RFX8: variants seen among roughly 807,000 people sequenced by gnomAD.
RFX8 encodes DNA-binding protein RFX8.
In RFX8, 46 loss-of-function variants were observed where a neutral mutation model predicts 54.6. The observed-to-expected ratio is 0.84, with a 90% CI of 0.67 to 1.08. The LOEUF is 1.08. Among genes scored for constraint, RFX8 ranks in the 50% least tolerant of loss-of-function variants. The pLI is 0.00. For missense variants in RFX8, 536 were observed against 562.3 expected (o/e 0.95, Z 0.47); for synonymous variants, 192 against 209.5 (o/e 0.92, Z 0.72).
At chr2:101,464,056 C>A (rs1174111362) in intron 2 of RFX8, among the ~76,000 whole-genome samples, 1 of 152,186 alleles carries the variant, frequency 6.6e-6, no homozygotes, top group African/African-American at 2.4e-5. Context: ...GAAGAACCAG[C>A]CACTGGACAC....
At chr2:101,407,696 A>T (rs116008574) in intron 9 of RFX8, among the ~76,000 whole-genome samples, 4,199 of 142,960 alleles carry the variant, frequency 0.029, 83 homozygotes, top group South Asian at 0.046. Flanking sequence ...CATCTCAATT[A>T]AAAAAAAAAA....
chr2:101,402,616 C>T lies in RFX8; in HGVS notation c.1065G>A (p.Gln355=), dbSNP rs1357252112. 3 of 1,552,316 alleles carry T rather than the reference C, an allele frequency of 1.9e-6. No individual in the cohort carries two copies. The highest frequency in any genetic ancestry group is 1.7e-6 in the Non-Finnish European group (2 of 1,147,172). The change falls in exon 11 of 12, where the codon CAG becomes CAA. Residue 355 remains glutamine (Q), a synonymous_variant. Transcript: ENST00000428343. ...GAGAATGGAAAAGTGCCTGGTCTGG[C>T]TGGCCGAGAGTCGGGTCATCTGGTA... The part of the protein sequence containing the change: ...EMLPDDPTLG[Q]PDQALFHSLN...
At chr2:101,471,502 G>A (rs1236880608) in intron 1 of RFX8, among the ~76,000 whole-genome samples, 1 of 152,180 alleles carries the variant, frequency 6.6e-6, no homozygotes, top group East Asian at 1.9e-4. Flanking sequence ...ATTTGTAAAA[G>A]TCTATGTGGG....
chr2:101,403,978 A>C (rs902385142), intron 10 of RFX8, among the ~76,000 whole-genome samples: 1 of 152,240 alleles, frequency 6.6e-6, no homozygotes, highest in Non-Finnish European at 1.5e-5. Context: ...ATCTGTCCTC[A>C]GGGTAGTATC....
intron 2 of RFX8, among the ~76,000 whole-genome samples, chr2:101,449,040 A>G (rs1376961276): frequency 3.9e-5 from 6 of 152,314 alleles, no homozygotes; most frequent in African/African-American, 1.4e-4. Context: ...TATGGATGGT[A>G]TTCAGGAAGG....
chr2:101,474,129 G>A, intron 1 of RFX8: 2 of 555,578 alleles, frequency 3.6e-6, no homozygotes, highest in South Asian at 2.2e-5. Flanking sequence ...GAGGGCAGCC[G>A]TAGCGGGAAC....
chr2:101,403,158 C>A (rs913164995), intron 10 of RFX8, among the ~76,000 whole-genome samples: 5 of 152,166 alleles, frequency 3.3e-5, no homozygotes, highest in African/African-American at 1.2e-4. Context: ...GCAGAGGGAA[C>A]CCTGCTGCTG....
At chr2:101,412,206 C>T (rs1427842504) in intron 8 of RFX8, among the ~76,000 whole-genome samples, 1 of 152,144 alleles carries the variant, frequency 6.6e-6, no homozygotes, top group Non-Finnish European at 1.5e-5. Flanking sequence ...CCTAGAGATG[C>T]CCATAATTCA....
At chr2:101,426,465 G>A (rs1687174395) in intron 2 of RFX8, among the ~76,000 whole-genome samples, 1 of 152,204 alleles carries the variant, frequency 6.6e-6, no homozygotes, top group Non-Finnish European at 1.5e-5. Context: ...ACTCCAGTGA[G>A]CTGTGATCGT....
chr2:101,422,333 G>T, intron 3 of RFX8, 29 bp downstream of exon 3: 1 of 1,113,648 alleles, frequency 9.0e-7, no homozygotes, highest in Non-Finnish European at 1.3e-6. Flanking sequence ...CAGCGTGAAA[G>T]GCTAATCTCC....
chr2:101,471,258 TG>T (rs1156594020), intron 1 of RFX8, among the ~76,000 whole-genome samples: 1 of 151,816 alleles, frequency 6.6e-6, no homozygotes, highest in African/African-American at 2.4e-5. Context: ...CACTTGAACC[TG>T]GGAGGCAGAG....
At position 101,433,795 on chromosome 2, in the gene RFX8, C is replaced by T. The variant is rs548931353; in HGVS notation, c.73-11323G>A. On this transcript the variant is annotated intron_variant, in intron 2 of 11. Transcript: ENST00000428343. ...ACTTGTTCCGTGTCAGATTTCAGAG[C>T]AAAGGCACTTCATCTTCCAATCATT... 3.9e-5 allele frequency among the ~76,000 whole-genome samples: 6 copies of T among 152,286 alleles called. No individual in the cohort carries two copies. In the South Asian group the frequency reaches 1.2e-3, roughly 32 times the overall value.
intron 2 of RFX8, among the ~76,000 whole-genome samples, chr2:101,427,400 C>T (rs753325746): frequency 2.0e-5 from 3 of 152,126 alleles, no homozygotes; most frequent in Admixed American, 6.5e-5. Flanking sequence ...AAGGATCCGG[C>T]CTGCCTTTGC....
At chr2:101,456,094 A>G (rs1688950075) in intron 2 of RFX8, among the ~76,000 whole-genome samples, 1 of 152,230 alleles carries the variant, frequency 6.6e-6, no homozygotes, top group East Asian at 1.9e-4. Context: ...GTTGCTTATC[A>G]GCTTAAGGAG....
chr2:101,454,454 A>T (rs7594446), intron 2 of RFX8, among the ~76,000 whole-genome samples: 1 of 152,008 alleles, frequency 6.6e-6, no homozygotes, highest in Non-Finnish European at 1.5e-5. Flanking sequence ...TAGTTCTAGA[A>T]CCTTGAGGAA....
In RFX8 at chr2:101,421,535, A is replaced by G. The variant is rs1686862202; in HGVS notation, c.237+189T>C. ...GAGAATTTCCAACTGATTACACTGAATATCGATCTCACCTTCCAGAACTCA... is the reference window on the plus strand; with the variant it reads ...GAGAATTTCCAACTGATTACACTGAGTATCGATCTCACCTTCCAGAACTCA... On this transcript the variant is annotated intron_variant, in intron 4 of 11. Transcript: ENST00000428343. 3.8e-6 allele frequency: 5 copies of G among 1,308,032 alleles called. No homozygotes were observed. The East Asian group carries it at 8.9e-5, about 23-fold the overall frequency. The allele number at this position is 1,308,032 out of a possible 1,614,324, so 81.0% of individuals were successfully genotyped here. A position where few individuals can be genotyped will look rare whatever the true frequency, so the allele number is the denominator to read the frequency against.
intron 2 of RFX8, among the ~76,000 whole-genome samples, chr2:101,464,108 C>T (rs1224667489): frequency 6.6e-6 from 1 of 152,212 alleles, no homozygotes; most frequent in Non-Finnish European, 1.5e-5. Flanking sequence ...CATGTGGTTA[C>T]TTCTCCAGCT....
At chr2:101,442,182 T>C (rs1326689728) in intron 2 of RFX8, among the ~76,000 whole-genome samples, 1 of 152,208 alleles carries the variant, frequency 6.6e-6, no homozygotes, top group East Asian at 1.9e-4. Context: ...CTTTTTTCCA[T>C]TTAGGCCTCT....
intron 10 of RFX8, among the ~76,000 whole-genome samples, chr2:101,404,989 T>C (rs1294582122): frequency 3.3e-5 from 5 of 152,150 alleles, no homozygotes; most frequent in Non-Finnish European, 5.9e-5. Context: ...TCACTTGCCA[T>C]AACTACTGTG....
Sources: gnomAD v4.1 joint callset for allele counts (sites outside exome capture counted in the v4.1 genomes callset) on GRCh38, gnomAD v4.1.1 for gene constraint, MANE v1.5 for transcripts, NCBI Gene and HGNC (gene_info 2026-07-23, HGNC 2026-07-21) for gene names.